Variants in SNTG1 observed in about 807,000 individuals in gnomAD.
The protein encoded by SNTG1 is gamma-1-syntrophin.
Under a neutral mutation model 74.7 loss-of-function variants are expected in SNTG1, and 39 were observed. The ratio of observed to expected loss-of-function variants is 0.52; its 90% CI spans 0.40 to 0.68. SNTG1 has a LOEUF of 0.68. Among genes scored for constraint, SNTG1 ranks in the 30% least tolerant of loss-of-function variants. The probability of loss-of-function intolerance (pLI) is 0.00; values close to 1 mark genes in which losing one functional copy is unlikely to be tolerated. For synonymous variants in SNTG1, 254 were observed against 217.1 expected, an observed-to-expected ratio of 1.17 and a Z score of -1.49; for missense variants, 685 against 609.5, an observed-to-expected ratio of 1.12 and a Z score of -1.30.
chr8:50,153,359 G>T (rs142238778), intron 1 of SNTG1, among the ~76,000 whole-genome samples: 1 of 152,022 alleles, frequency 6.6e-6, no homozygotes, highest in Non-Finnish European at 1.5e-5. Context: ...AACTTCCTCC[G>T]TTAGCTCAGA....
chr8:50,467,131 T>C (rs2093614794), intron 8 of SNTG1, among the ~76,000 whole-genome samples: 1 of 151,964 alleles, frequency 6.6e-6, no homozygotes, highest in Non-Finnish European at 1.5e-5. Flanking sequence ...TTAATTTTTT[T>C]GTAACGCTTT....
chr8:50,751,781 C>T (rs1401396942), intron 17 of SNTG1, among the ~76,000 whole-genome samples: 1 of 151,738 alleles, frequency 6.6e-6, no homozygotes, highest in Non-Finnish European at 1.5e-5. Context: ...TGCATTTTTG[C>T]AATAATTATT....
intron 17 of SNTG1, among the ~76,000 whole-genome samples, chr8:50,709,926 A>C (rs2095457009): frequency 6.6e-6 from 1 of 152,318 alleles, no homozygotes; most frequent in Non-Finnish European, 1.5e-5. Flanking sequence ...CTAGAAATTA[A>C]GTTTTGTGTA....
intron 13 of SNTG1, among the ~76,000 whole-genome samples, chr8:50,636,012 G>A (rs1426750425): frequency 6.6e-6 from 1 of 151,758 alleles, no homozygotes; most frequent in Non-Finnish European, 1.5e-5. Flanking sequence ...GATGAATCCT[G>A]CCAGAATTTG....
intron 1 of SNTG1, among the ~76,000 whole-genome samples, chr8:50,096,981 A>T (rs1242521986): frequency 2.6e-5 from 4 of 151,854 alleles, no homozygotes; most frequent in Admixed American, 1.3e-4. Context: ...TATTATTATT[A>T]TTTTTTGAGA....
intron 1 of SNTG1, among the ~76,000 whole-genome samples, chr8:50,106,661 G>A (rs1004101634): frequency 4.6e-5 from 7 of 152,138 alleles, no homozygotes; most frequent in African/African-American, 1.7e-4. Context: ...CATCTCTTGA[G>A]ATGATCGTGT....
chr8:50,276,536 C>A (rs1200583782), intron 2 of SNTG1, among the ~76,000 whole-genome samples: 1 of 151,796 alleles, frequency 6.6e-6, no homozygotes, highest in East Asian at 1.9e-4. Flanking sequence ...TTTTCCTCTT[C>A]ATTTTTTGTA....
At chr8:50,701,494 T>G (rs566446910) in intron 15 of SNTG1, among the ~76,000 whole-genome samples, 1 of 152,182 alleles carries the variant, frequency 6.6e-6, no homozygotes, top group Non-Finnish European at 1.5e-5. Context: ...ATCTTTGATA[T>G]TCTACTCGTT....
At chr8:50,409,323 C>A (rs1159321111) in intron 4 of SNTG1, among the ~76,000 whole-genome samples, 1 of 152,138 alleles carries the variant, frequency 6.6e-6, no homozygotes, top group Non-Finnish European at 1.5e-5. Flanking sequence ...CTTCTATCAG[C>A]AAAATACTGC....
chr8:50,368,302 C>T (rs1418675891), intron 2 of SNTG1, among the ~76,000 whole-genome samples: 1 of 152,010 alleles, frequency 6.6e-6, no homozygotes, highest in Non-Finnish European at 1.5e-5. Flanking sequence ...TGGCTATTTA[C>T]CAGATACAAT....
At position 50,793,075 on chromosome 8, in the gene SNTG1, G is replaced by T. The variant is rs1222161404; in HGVS notation, c.*246G>T. ...GTTGCTTTGTACCAGTAAGTGTATTGCTTTCACCAAAAGTGGAGACAAAAG... is the reference window on the plus strand; with the variant it reads ...GTTGCTTTGTACCAGTAAGTGTATTTCTTTCACCAAAAGTGGAGACAAAAG... On this transcript the variant is annotated 3_prime_UTR_variant, in exon 19 of 19. Transcript: ENST00000642720. 2 of 339,414 alleles carry T rather than the reference G, an allele frequency of 5.9e-6. No homozygotes were observed. The highest frequency in any genetic ancestry group is 4.2e-5 in the African/African-American group (2 of 47,108). 21.0% of individuals were successfully genotyped at this position (339,414 alleles called of 1,614,324 possible).
At chr8:49,921,344 G>C (rs759041995) in intron 1 of SNTG1, among the ~76,000 whole-genome samples, 3 of 152,038 alleles carry the variant, frequency 2.0e-5, no homozygotes, top group Non-Finnish European at 2.9e-5. Flanking sequence ...GAAAGGAATG[G>C]ATGTTTGAGG....
chr8:50,604,458 T>C (rs937879764), intron 13 of SNTG1, among the ~76,000 whole-genome samples: 3 of 151,872 alleles, frequency 2.0e-5, no homozygotes, highest in African/African-American at 7.3e-5. Context: ...GAAATATACC[T>C]GGTGTTCTAT....
At chr8:50,036,030 CT>C (rs1818130875) in intron 1 of SNTG1, among the ~76,000 whole-genome samples, 1 of 152,116 alleles carries the variant, frequency 6.6e-6, no homozygotes, top group Non-Finnish European at 1.5e-5. Flanking sequence ...AAAAATTGGT[CT>C]CTTTATGCAT....
At chr8:50,094,169 C>G (rs919096467) in intron 1 of SNTG1, among the ~76,000 whole-genome samples, 1 of 151,892 alleles carries the variant, frequency 6.6e-6, no homozygotes, top group African/African-American at 2.4e-5. Flanking sequence ...ACTGAGGACA[C>G]ATCAACACTT....
intron 13 of SNTG1, among the ~76,000 whole-genome samples, chr8:50,630,041 A>G (rs949456756): frequency 6.6e-6 from 1 of 152,218 alleles, no homozygotes; most frequent in Non-Finnish European, 1.5e-5. Flanking sequence ...TAGTTTTTCA[A>G]TTACTTTCAA....
chr8:50,688,355 G>T (rs1171446523), intron 15 of SNTG1, among the ~76,000 whole-genome samples: 1 of 152,118 alleles, frequency 6.6e-6, no homozygotes, highest in Non-Finnish European at 1.5e-5. Context: ...GAATGGTATT[G>T]CCTAGGTTTT....
intron 2 of SNTG1, among the ~76,000 whole-genome samples, chr8:50,260,938 G>A (rs1212881663): frequency 1.3e-5 from 2 of 151,988 alleles, no homozygotes; most frequent in African/African-American, 4.8e-5. Context: ...TGCATAATGG[G>A]AATACTAGAA....
chr8:50,394,295 A>G, intron 3 of SNTG1, 30 bp downstream of exon 3: 1 of 1,606,084 alleles, frequency 6.2e-7, no homozygotes, highest in Admixed American at 1.7e-5. Flanking sequence ...CTTTTCAAAC[A>G]GGGAAAACAG....
Sources: allele counts gnomAD v4.1 joint callset (sites outside exome capture counted in the v4.1 genomes callset), GRCh38; gene constraint gnomAD v4.1.1; transcripts MANE v1.5; gene names NCBI Gene and HGNC (gene_info 2026-07-23, HGNC 2026-07-21).